Variants in VSTM1 observed in about 807,000 individuals in gnomAD.
The protein encoded by VSTM1 is V-set and transmembrane domain containing 1.
In VSTM1, 27 loss-of-function variants were observed where a neutral mutation model predicts 33.1. That is an observed-to-expected ratio of 0.82 (90% CI 0.60 to 1.12). The LOEUF is 1.12. VSTM1 is among the 50% of genes most tolerant of loss of function. The pLI, the probability that VSTM1 is intolerant of heterozygous loss-of-function variation, is 0.00. For missense variants in VSTM1, 304 were observed against 288.9 expected (o/e 1.05, Z -0.38); for synonymous variants, 115 against 110.3 (o/e 1.04, Z -0.27).
chr19:54,062,594 T>G (rs1341284344), intron 1 of VSTM1, among the ~76,000 whole-genome samples: 4 of 151,216 alleles, frequency 2.6e-5, no homozygotes, highest in Admixed American at 6.6e-5. Flanking sequence ...CGTGGTGGCG[T>G]GTGCCTATAA....
intron 4 of VSTM1, among the ~76,000 whole-genome samples, chr19:54,045,394 TTAAC>T (rs1458251176): frequency 1.3e-5 from 2 of 152,106 alleles, no homozygotes; most frequent in African/African-American, 2.4e-5. Flanking sequence ...TCATATGTAA[TTAAC>T]TATCTGTCTG....
At chr19:54,045,670 A>AT (rs2070543129) in intron 4 of VSTM1, among the ~76,000 whole-genome samples, 1 of 152,024 alleles carries the variant, frequency 6.6e-6, no homozygotes, top group African/African-American at 2.4e-5. Flanking sequence ...ACTATTATCT[A>AT]TTTAATCTAT....
intron 1 of VSTM1, among the ~76,000 whole-genome samples, chr19:54,061,374 T>C (rs2071388761): frequency 6.6e-6 from 1 of 152,234 alleles, no homozygotes; most frequent in Admixed American, 6.5e-5. Context: ...CCTGCGAATG[T>C]GACCTTATTT....
intron 1 of VSTM1, among the ~76,000 whole-genome samples, chr19:54,060,220 C>A (rs2071329531): frequency 6.6e-6 from 1 of 152,064 alleles, no homozygotes. Context: ...TCTTCTGGTC[C>A]CAAATACTCT....
At chr19:54,051,627 CTCT>C (rs529809126) in intron 3 of VSTM1, among the ~76,000 whole-genome samples, 179 bp from the exon 4 acceptor site, 2 of 152,134 alleles carry the variant, frequency 1.3e-5, no homozygotes, top group South Asian at 4.1e-4. Context: ...CCTCAGATTA[CTCT>C]TCTTAATAGT....
intron 4 of VSTM1, among the ~76,000 whole-genome samples, chr19:54,049,282 T>A (rs1467848809): frequency 6.6e-6 from 1 of 152,058 alleles, no homozygotes; most frequent in Non-Finnish European, 1.5e-5. Flanking sequence ...TTACACAAAA[T>A]GTCCAGAATA....
chr19:54,049,202 C>T (rs2070733043), intron 4 of VSTM1, among the ~76,000 whole-genome samples: 1 of 152,176 alleles, frequency 6.6e-6, no homozygotes, highest in Non-Finnish European at 1.5e-5. Flanking sequence ...ACAGTACAGA[C>T]AAACTTTGAA....
At chr19:54,050,751 G>A (rs1241509490) in intron 4 of VSTM1, among the ~76,000 whole-genome samples, 8 of 151,942 alleles carry the variant, frequency 5.3e-5, no homozygotes, top group Admixed American at 2.0e-4. Context: ...AGGCCGAGGC[G>A]GGGGAATTGC....
intron 4 of VSTM1, among the ~76,000 whole-genome samples, chr19:54,043,072 C>G (rs1446847820): frequency 6.6e-6 from 1 of 151,646 alleles, no homozygotes; most frequent in African/African-American, 2.4e-5. Flanking sequence ...AGAAGCCAGA[C>G]AGATGGCCTG....
chr19:54,041,022 G>T lies in VSTM1; in HGVS notation c.650C>A (p.Ala217Glu). The change falls in exon 9 of 9, where the codon GCA becomes GAA. Residue 217 changes from alanine (A) to glutamate (E), a missense_variant. Physicochemically the swap from Ala to Glu is moderately radical, Grantham distance 107. Coordinates refer to ENST00000338372, the MANE Select transcript of VSTM1 (RefSeq NM_198481.4). Reference protein sequence around the residue: ...AELSTSALSEAASDTTQEPPG... With the variant: ...AELSTSALSEEASDTTQEPPG... ...GGGCTCCTGGGTGGTGTCTGAAGCT[G>T]CCTCAGACAGGGCGCTGGTGCTTAG... 1.2e-6 allele frequency: 2 copies of T among 1,609,150 alleles called. No homozygotes were observed. The highest frequency in any genetic ancestry group is 2.2e-5 in the South Asian group (2 of 90,618).
chr19:54,054,787 G>A lies in VSTM1; in HGVS notation c.356-3339C>T, dbSNP rs754972902. On this transcript the variant is annotated intron_variant, in intron 3 of 8. Coordinates refer to ENST00000338372, the MANE Select transcript of VSTM1 (RefSeq NM_198481.4). Reference sequence around the variant, plus strand: ...TGGGTAGGTAGGTAGATAGATGGATGAAGGGGTGGGTGGACAGATGAATGG... The same window carrying A: ...TGGGTAGGTAGGTAGATAGATGGATAAAGGGGTGGGTGGACAGATGAATGG... 5.1e-5 allele frequency among the ~76,000 whole-genome samples: 7 copies of A among 138,392 alleles called. 1 individual carries two copies. The highest frequency in any genetic ancestry group is 1.5e-4 in the Admixed American group (2 of 13,354). The allele number at this position is 138,392 out of a possible 152,430, so 90.8% of individuals were successfully genotyped here.
At chr19:54,044,841 T>C (rs1222132829) in intron 4 of VSTM1, among the ~76,000 whole-genome samples, 1 of 152,164 alleles carries the variant, frequency 6.6e-6, no homozygotes, top group African/African-American at 2.4e-5. Context: ...ACAGAGTCCA[T>C]GCAGTTCCCC....
intron 3 of VSTM1, among the ~76,000 whole-genome samples, chr19:54,057,662 A>T: frequency 6.6e-6 from 1 of 151,924 alleles, no homozygotes. Flanking sequence ...TACAAAAATT[A>T]GCCAGGTGTG....
chr19:54,058,919 A>AAT lies in VSTM1; in HGVS notation c.35-189_35-188dup, dbSNP rs201117877. 4.1e-5 allele frequency among the ~76,000 whole-genome samples: 6 copies of AAT among 148,096 alleles called. No individual in the cohort carries two copies. In the East Asian group the frequency reaches 5.8e-4, roughly 14 times the overall value. ...TTACATATAATACATATATAAATAT[A>AAT]ATATATATATTAAATATATGTATTA... On this transcript the variant is annotated intron_variant, in intron 1 of 8. Coordinates refer to ENST00000338372, the MANE Select transcript of VSTM1 (RefSeq NM_198481.4).
chr19:54,055,321 C>G (rs2071038055), intron 3 of VSTM1, among the ~76,000 whole-genome samples: 1 of 142,012 alleles, frequency 7.0e-6, no homozygotes, highest in Admixed American at 7.3e-5. Context: ...CTGTGAAGCT[C>G]ATTGTTTTTG....
chr19:54,050,454 C>T (rs531990093), intron 4 of VSTM1, among the ~76,000 whole-genome samples: 63 of 152,186 alleles, frequency 4.1e-4, no homozygotes, highest in African/African-American at 1.4e-3. Flanking sequence ...GAAGTACCTA[C>T]TCTGCGTAGG....
rs1163458368 is a variant in VSTM1 at position 54,063,765 on chromosome 19, A to ATTCTGCGGTCATAGCGTCCC, written c.-8_12dup (p.Phe5GlyfsTer4). On this transcript the variant is annotated stop_gained and frameshift_variant, in exon 1 of 9. Coordinates refer to ENST00000338372, the MANE Select transcript of VSTM1 (RefSeq NM_198481.4). LOFTEE classifies it high-confidence loss of function. ...TCACCGAGGCAAAGCAGGGAGAGGA[A>ATTCTGCGGTCATAGCGTCCC]TTCTGCGGTCATAGCGTCCCTTCTG... The ATTCTGCGGTCATAGCGTCCC allele has an allele frequency of 1.2e-6, 2 of 1,613,828 alleles. No individual in the cohort carries two copies. The highest frequency in any genetic ancestry group is 1.7e-5 in the Admixed American group (1 of 59,960).
Position 54,058,726 on chromosome 19 carries a change from C to G in VSTM1, c.41G>C (p.Cys14Ser). Reference sequence around the variant, plus strand: ...CTTTTTCTCATCTTCGTAGCCCAGACACAGCCCTGGAAGAGAAATCTCAAT... The same window carrying G: ...CTTTTTCTCATCTTCGTAGCCCAGAGACAGCCCTGGAAGAGAAATCTCAAT... ...EFLSLLCLGL[C>S]LGYEDEKKNE... is the part of the protein sequence containing the mutation. The change falls in exon 2 of 9, where the codon TGT (cysteine) becomes TCT (serine). Residue 14 changes from cysteine (C) to serine (S), a missense_variant. Transcript: ENST00000338372. 6.2e-7 allele frequency: 1 copy of G among 1,613,816 alleles called. No homozygotes were observed. Among genetic ancestry groups the G allele is most frequent in the Non-Finnish European group, 8.5e-7 (1 of 1,179,996 alleles).
intron 4 of VSTM1, among the ~76,000 whole-genome samples, chr19:54,042,918 G>C (rs1419837377): frequency 1.4e-5 from 2 of 143,064 alleles, no homozygotes; most frequent in Admixed American, 7.3e-5. Context: ...TGTGATCCTG[G>C]CTCACTGCAA....
Sources: allele counts gnomAD v4.1 joint callset (sites outside exome capture counted in the v4.1 genomes callset), GRCh38; gene constraint gnomAD v4.1.1; transcripts MANE v1.5; gene names NCBI Gene and HGNC (gene_info 2026-07-23, HGNC 2026-07-21).